The following MYO16 variants were observed in gnomAD, a reference collection of about 807,000 sequenced individuals.
The protein encoded by MYO16 is myosin XVI.
MYO16 carries 94 observed loss-of-function variants against 205.3 expected under a neutral mutation model. The ratio of observed to expected loss-of-function variants is 0.46; its 90% CI spans 0.39 to 0.54. MYO16 has a LOEUF of 0.54. Ranked by LOEUF, MYO16 falls within the 20% of genes least tolerant of loss-of-function variation. The pLI is 0.00. For synonymous variants in MYO16, 988 were observed against 954.0 expected (o/e 1.04, Z -0.66); for missense variants, 2,315 against 2,387.5 (o/e 0.97, Z 0.63).
At chr13:109,191,574 C>A (rs1879917270) in intron 34 of MYO16, among the ~76,000 whole-genome samples, 1 of 151,968 alleles carries the variant, frequency 6.6e-6, no homozygotes, top group Non-Finnish European at 1.5e-5. Context: ...CAGGGAGAGA[C>A]CAGTGCTGAC....
chr13:109,202,846 A>G (rs544287538), intron 34 of MYO16, among the ~76,000 whole-genome samples: 1 of 152,344 alleles, frequency 6.6e-6, no homozygotes, highest in Admixed American at 6.5e-5. Context: ...AGTATAAAAC[A>G]GGCAGATAGA....
At chr13:108,719,623 G>C (rs1024287351) in intron 3 of MYO16, among the ~76,000 whole-genome samples, 2 of 152,112 alleles carry the variant, frequency 1.3e-5, no homozygotes, top group Non-Finnish European at 2.9e-5. Flanking sequence ...GAATATGTAC[G>C]TTTAACTAAC....
At chr13:108,915,577 G>A (rs1165646628) in intron 16 of MYO16, among the ~76,000 whole-genome samples, 1 of 152,054 alleles carries the variant, frequency 6.6e-6, no homozygotes, top group East Asian at 1.9e-4. Flanking sequence ...TTTGGGGAAC[G>A]AATGTAATTT....
the MYO16 span, among the ~76,000 whole-genome samples, chr13:108,552,183 G>A: frequency 4.6e-5 from 7 of 152,130 alleles, no homozygotes; most frequent in East Asian, 3.9e-4. Context: ...GGCTACAGGC[G>A]TCTCTTGCAC....
At chr13:108,775,546 C>T (rs1421607887) in intron 4 of MYO16, among the ~76,000 whole-genome samples, 1 of 151,860 alleles carries the variant, frequency 6.6e-6, no homozygotes, top group Admixed American at 6.6e-5. Flanking sequence ...TAACATAATA[C>T]CTTATAAATG....
At chr13:108,862,628 C>T (rs1026342037) in intron 11 of MYO16, among the ~76,000 whole-genome samples, 1 of 152,140 alleles carries the variant, frequency 6.6e-6, no homozygotes, top group Non-Finnish European at 1.5e-5. Flanking sequence ...TTGATCATTA[C>T]AGCTATATAG....
At chr13:108,909,858 A>C in intron 15 of MYO16, 145 bp from the exon 16 acceptor site, 5 of 883,268 alleles carry the variant, frequency 5.7e-6, no homozygotes, top group Non-Finnish European at 8.4e-6. Flanking sequence ...GCTAATGCAA[A>C]AAGACAATAA....
intron 2 of MYO16, among the ~76,000 whole-genome samples, chr13:108,697,012 A>C (rs568841319): frequency 6.6e-6 from 1 of 151,352 alleles, no homozygotes; most frequent in Non-Finnish European, 1.5e-5. Flanking sequence ...CCTTCTACTC[A>C]TCTTCCATGA....
chr13:108,725,683 A>G (rs1884312821), intron 3 of MYO16, among the ~76,000 whole-genome samples: 2 of 152,238 alleles, frequency 1.3e-5, no homozygotes, highest in South Asian at 4.1e-4. Flanking sequence ...GCAGTTTCCT[A>G]GAGTGCAAGT....
intron 16 of MYO16, among the ~76,000 whole-genome samples, chr13:108,946,529 T>A (rs922536666): frequency 1.3e-5 from 2 of 152,232 alleles, no homozygotes; most frequent in African/African-American, 4.8e-5. Flanking sequence ...CACCCAATAT[T>A]AATTTAAATT....
chr13:108,597,971 G>A (rs1878622187), intron 1 of MYO16, among the ~76,000 whole-genome samples: 1 of 152,144 alleles, frequency 6.6e-6, no homozygotes, highest in African/African-American at 2.4e-5. Flanking sequence ...CAAGTGAGAA[G>A]TTGCCTTAGA....
intron 31 of MYO16, among the ~76,000 whole-genome samples, chr13:109,131,045 G>T (rs1198662552): frequency 1.3e-5 from 2 of 152,008 alleles, no homozygotes; most frequent in African/African-American, 2.4e-5. Flanking sequence ...CTAGTAACGT[G>T]TCACAAAATT....
chr13:109,187,469 TGAA>T (rs1879733492), intron 34 of MYO16, among the ~76,000 whole-genome samples: 1 of 152,216 alleles, frequency 6.6e-6, no homozygotes, highest in Non-Finnish European at 1.5e-5. Context: ...ATCACTGACT[TGAA>T]GTGTTTCTTT....
At chr13:108,857,009 C>G (rs922796539) in intron 11 of MYO16, among the ~76,000 whole-genome samples, 3 of 152,208 alleles carry the variant, frequency 2.0e-5, no homozygotes, top group Non-Finnish European at 4.4e-5. Context: ...ATGCCCTGAA[C>G]AGTCACTGAG....
intron 8 of MYO16, among the ~76,000 whole-genome samples, chr13:108,820,912 T>C (rs1285768118): frequency 8.8e-5 from 1 of 11,374 alleles, no homozygotes; most frequent in African/African-American, 9.0e-5. Flanking sequence ...TATTTTTTAA[T>C]AAATATATTT....
intron 29 of MYO16, among the ~76,000 whole-genome samples, chr13:109,124,242 T>TG (rs1262509741): frequency 6.6e-6 from 1 of 152,176 alleles, no homozygotes; most frequent in Non-Finnish European, 1.5e-5. Flanking sequence ...ATCTGCCCCC[T>TG]GGAGAGTGAG....
chr13:108,609,112 C>T (rs1346101019), intron 1 of MYO16, among the ~76,000 whole-genome samples: 3 of 152,170 alleles, frequency 2.0e-5, no homozygotes, highest in Non-Finnish European at 2.9e-5. Flanking sequence ...CTCTCACTGG[C>T]CGACAACTCA....
chr13:109,072,974 T>C (rs1297885982), intron 27 of MYO16, among the ~76,000 whole-genome samples: 1 of 152,220 alleles, frequency 6.6e-6, no homozygotes, highest in Admixed American at 6.5e-5. Context: ...AACAGCTAAT[T>C]GAGTGCCCTT....
At chr13:108,917,594 T>G (rs1181327411) in intron 16 of MYO16, among the ~76,000 whole-genome samples, 3 of 113,874 alleles carry the variant, frequency 2.6e-5, no homozygotes, top group African/African-American at 1.0e-4. Context: ...TATAGATGAA[T>G]ATTGCAATGT....
Sources: gnomAD v4.1 joint callset for allele counts (sites outside exome capture counted in the v4.1 genomes callset) on GRCh38, gnomAD v4.1.1 for gene constraint, MANE v1.5 for transcripts, NCBI Gene and HGNC (gene_info 2026-07-23, HGNC 2026-07-21) for gene names.